The following NUP153 variants were observed in gnomAD, a reference collection of about 807,000 sequenced individuals.
NUP153 encodes nuclear pore complex protein Nup153.
A neutral mutation model predicts 134.6 loss-of-function variants in NUP153; 27 were observed. The ratio of observed to expected loss-of-function variants is 0.20; its 90% CI spans 0.15 to 0.28. NUP153 has a LOEUF of 0.28. Among genes scored for constraint, NUP153 ranks in the 10% least tolerant of loss-of-function variants. NUP153 has a pLI of 1.00. For missense variants in NUP153, 1,821 were observed against 1,731.3 expected, an observed-to-expected ratio of 1.05 and a Z score of -0.92; for synonymous variants, 640 against 623.5, an observed-to-expected ratio of 1.03 and a Z score of -0.40.
intron 16 of NUP153, 59 bp downstream of exon 16, chr6:17,637,090 GAATA>G: frequency 7.0e-7 from 1 of 1,435,450 alleles, no homozygotes; most frequent in South Asian, 1.4e-5. Flanking sequence ...AGGATTCTTA[GAATA>G]AATTAAACTG....
intron 11 of NUP153, among the ~76,000 whole-genome samples, chr6:17,653,943 T>C (rs756128380): frequency 3.7e-4 from 56 of 152,244 alleles, no homozygotes; most frequent in Middle Eastern, 3.2e-3. Context: ...ACGCTATGTA[T>C]GCTGACGTAT....
At position 17,616,162 on chromosome 6, in the gene NUP153, A is replaced by G; in HGVS notation, c.4363T>C (p.Phe1455Leu). ...GAGAATGAAGTTCCAGAAGAAGAGA[A>G]CACATTTTTCCCATTTGACCTGTGA... ...FTVGSNGKNV[F>L]SSSGTSFSGR... The change falls in exon 22 of 22, where the codon TTC becomes CTC. Residue 1455 changes from phenylalanine to leucine, a missense_variant. Transcript: ENST00000262077. 6.2e-7 allele frequency: 1 copy of G among 1,613,476 alleles called. No homozygotes were observed. The highest frequency in any genetic ancestry group is 8.5e-7 in the Non-Finnish European group (1 of 1,179,724).
chr6:17,636,916 A>C (rs1403714693), intron 16 of NUP153, among the ~76,000 whole-genome samples: 1 of 152,194 alleles, frequency 6.6e-6, no homozygotes, highest in Non-Finnish European at 1.5e-5. Flanking sequence ...ATTTCTGATA[A>C]AACTGTACAA....
chr6:17,617,660 T>C (rs931776848), intron 20 of NUP153, among the ~76,000 whole-genome samples: 4 of 151,752 alleles, frequency 2.6e-5, no homozygotes, highest in African/African-American at 9.7e-5. Context: ...CTAGGCAACA[T>C]GGCGAGATCC....
Position 17,642,492 on chromosome 6 carries a change from A to G in NUP153, c.1721-2428T>C, listed in dbSNP as rs80294097. On this transcript the variant is annotated intron_variant, in intron 14 of 21. Coordinates refer to ENST00000262077, the MANE Select transcript of NUP153 (RefSeq NM_005124.4). ...CATTTGCATTAGGGAAATGCAAATC[A>G]AAACTACAACAAAGTATTACTTTAC... Among the ~76,000 whole-genome samples the G allele has an allele frequency of 2.9e-3, 444 of 152,332 alleles. 2 individuals carry two copies. The highest frequency in any genetic ancestry group is 9.7e-3 in the African/African-American group (405 of 41,558).
rs149046438 is a variant in NUP153, at chr6:17,649,194, G to A, written c.1502C>T (p.Pro501Leu). 54 of 1,613,578 alleles carry A rather than the reference G, an allele frequency of 3.3e-5. 1 individual carries two copies. In the Middle Eastern group the frequency reaches 1.2e-3, roughly 35 times the overall value. Residue 501 changes from proline (P) to leucine (L), a missense_variant, in exon 12 of 22, where the codon CCC becomes CTC. Transcript: ENST00000262077. ...TGTTAATGCTTGAGACGAATTGATGGGTGATGGAGAGGAAGTTGTGATCTC... is the reference window on the plus strand; with the variant it reads ...TGTTAATGCTTGAGACGAATTGATGAGTGATGGAGAGGAAGTTGTGATCTC... ...SPEITTSSPS[P>L]INSSQALTNK...
chr6:17,657,254 T>C (rs1766873374), intron 11 of NUP153, among the ~76,000 whole-genome samples: 1 of 151,888 alleles, frequency 6.6e-6, no homozygotes, highest in African/African-American at 2.4e-5. Context: ...CTAAAAATTA[T>C]TTTCTGGCTA....
chr6:17,637,015 T>A (rs1320536358), intron 16 of NUP153, 138 bp downstream of exon 16: 1 of 829,900 alleles, frequency 1.2e-6, no homozygotes, highest in Non-Finnish European at 1.8e-6. Flanking sequence ...AAGACATTTT[T>A]ACCTCAAGAT....
intron 14 of NUP153, among the ~76,000 whole-genome samples, chr6:17,643,840 T>C (rs955453335): frequency 6.6e-6 from 1 of 152,238 alleles, no homozygotes; most frequent in Non-Finnish European, 1.5e-5. Flanking sequence ...TGTAACAAAT[T>C]GTTAATTATT....
chr6:17,658,601 G>A (rs1766981590), intron 11 of NUP153, among the ~76,000 whole-genome samples: 1 of 152,134 alleles, frequency 6.6e-6, no homozygotes, highest in Non-Finnish European at 1.5e-5. Flanking sequence ...TACACAAGAA[G>A]TTGCCAAAGA....
rs1770519551 is a variant in NUP153, at chr6:17,706,612, G to A, written c.-225C>T. 4 of 572,906 alleles carry A rather than the reference G, an allele frequency of 7.0e-6. No individual in the cohort carries two copies. The highest frequency in any genetic ancestry group is 3.2e-5 in the Admixed American group (1 of 31,344). The allele number at this position is 572,906 out of a possible 1,614,324, so 35.5% of individuals were successfully genotyped here. On this transcript the variant is annotated 5_prime_UTR_variant, in exon 1 of 22. Transcript: ENST00000262077. The surrounding 1 kb of genome is among the most constrained non-coding windows in gnomAD (Gnocchi z 5.9). ...AGGGGGTGGCGGCCGCAGAGGCCGA[G>A]GAGGCTCCGGTCCGGCCGCCTCTGC...
In NUP153 at chr6:17,675,778, G is replaced by A; in HGVS notation, c.335-8C>T. The A allele has an allele frequency of 6.2e-7, 1 of 1,611,592 alleles. No homozygotes were observed. The highest frequency in any genetic ancestry group is 1.1e-5 in the South Asian group (1 of 91,016). ...TACTAGTTGTTGAAGGTTCTTAAAA[G>A]AAAAGCATTAATATTATGAATATAC... is the stretch of plus-strand genomic sequence containing the variant. On this transcript the variant is annotated splice_polypyrimidine_tract_variant and splice_region_variant and intron_variant, in intron 2 of 21. Transcript: ENST00000262077. This position sits in a 1 kb window ranked among gnomAD's most constrained non-coding sequence, Gnocchi z 4.4.
At chr6:17,674,534 C>CG (rs1259793309) in intron 5 of NUP153, among the ~76,000 whole-genome samples, 1 of 152,000 alleles carries the variant, frequency 6.6e-6, no homozygotes, top group African/African-American at 2.4e-5. Context: ...TTTGGGAGGC[C>CG]GGGGTGGGCG....
intron 1 of NUP153, among the ~76,000 whole-genome samples, chr6:17,692,691 G>A (rs1264692786): frequency 6.6e-6 from 1 of 152,150 alleles, no homozygotes; most frequent in African/African-American, 2.4e-5. Flanking sequence ...ATATAATTGA[G>A]TGGTCCTCAA....
chr6:17,620,589 G>C (rs1341062932), intron 20 of NUP153, among the ~76,000 whole-genome samples: 1 of 152,200 alleles, frequency 6.6e-6, no homozygotes, highest in Non-Finnish European at 1.5e-5. Context: ...AGCCAAGCTT[G>C]TCCAACCGAG....
chr6:17,625,073 T>C lies in NUP153; in HGVS notation c.3902-240A>G, dbSNP rs1764859811. Among the ~76,000 whole-genome samples, 1 of 152,186 alleles carries C rather than the reference T, an allele frequency of 6.6e-6. No individual in the cohort carries two copies. The highest frequency in any genetic ancestry group is 1.5e-5 in the Non-Finnish European group (1 of 68,028). ...TGCAATTAACAACTACTCCACACCT[T>C]TACAGCCGACAATTTCTGGTAAAGG... On this transcript the variant is annotated intron_variant, in intron 19 of 21. Coordinates refer to ENST00000262077, the MANE Select transcript of NUP153 (RefSeq NM_005124.4). This position sits in a 1 kb window ranked among gnomAD's most constrained non-coding sequence, Gnocchi z 4.7.
chr6:17,656,525 C>A (rs564282837), intron 11 of NUP153, among the ~76,000 whole-genome samples: 2 of 152,254 alleles, frequency 1.3e-5, no homozygotes, highest in Admixed American at 6.5e-5. Flanking sequence ...CAGGCGCTAA[C>A]CACCATGCCT....
At chr6:17,705,793 C>G (rs1029516187) in intron 1 of NUP153, among the ~76,000 whole-genome samples, 12 of 151,956 alleles carry the variant, frequency 7.9e-5, no homozygotes, top group Non-Finnish European at 1.0e-4. Flanking sequence ...AACAGCGCCC[C>G]CCACAACTCC....
At position 17,706,409 on chromosome 6, in the gene NUP153, C is replaced by G; in HGVS notation, c.-22G>C. On this transcript the variant is annotated 5_prime_UTR_variant, in exon 1 of 22. Transcript: ENST00000262077. The surrounding 1 kb of genome is among the most constrained non-coding windows in gnomAD (Gnocchi z 5.9). ...CCATGGCGGAGCCTCCGCCGCTTCC[C>G]GCTCCGGGGCGGGTAAGGGGGCGGG... 1 of 1,590,602 alleles carries G rather than the reference C, an allele frequency of 6.3e-7. No homozygotes were observed. The highest frequency in any genetic ancestry group is 8.6e-7 in the Non-Finnish European group (1 of 1,163,692).
Sources: allele counts gnomAD v4.1 joint callset (sites outside exome capture counted in the v4.1 genomes callset), GRCh38; gene constraint gnomAD v4.1.1; non-coding constraint Gnocchi (gnomAD v3.1); transcripts MANE v1.5; gene names NCBI Gene and HGNC (gene_info 2026-07-23, HGNC 2026-07-21).